The following AGBL3 variants were observed in gnomAD, a reference collection of about 807,000 sequenced individuals.
The protein encoded by AGBL3 is cytosolic carboxypeptidase 3.
A neutral mutation model predicts 94.5 loss-of-function variants in AGBL3; 68 were observed. The ratio of observed to expected loss-of-function variants is 0.72; its 90% CI spans 0.59 to 0.88. AGBL3 has a LOEUF of 0.88. Ranked by LOEUF, AGBL3 falls within the 40% of genes least tolerant of loss-of-function variation. AGBL3 has a pLI of 0.00. For synonymous variants in AGBL3, 354 were observed against 370.7 expected, an observed-to-expected ratio of 0.95 and a Z score of 0.52; for missense variants, 934 against 1,103.8, an observed-to-expected ratio of 0.85 and a Z score of 2.18.
At chr7:134,989,143 G>A (rs1434589982) in intron 2 of AGBL3, 107 bp from the exon 3 acceptor site, 10 of 708,440 alleles carry the variant, frequency 1.4e-5, no homozygotes, top group African/African-American at 3.7e-5. Context: ...TTTATTAAAG[G>A]TTAAAGACAT....
At chr7:135,041,530 G>A (rs539152927) in intron 8 of AGBL3, among the ~76,000 whole-genome samples, 62 of 152,048 alleles carry the variant, frequency 4.1e-4, no homozygotes, top group African/African-American at 1.4e-3. Context: ...AATAAGTGTC[G>A]GAACAATTGA....
At chr7:135,053,483 T>G (rs751137652) in intron 11 of AGBL3, among the ~76,000 whole-genome samples, 7 of 152,144 alleles carry the variant, frequency 4.6e-5, no homozygotes, top group Non-Finnish European at 1.0e-4. Context: ...GGTACATGCC[T>G]GTAATCTCAG....
intron 4 of AGBL3, among the ~76,000 whole-genome samples, chr7:134,995,714 C>G (rs565994425): frequency 1.3e-5 from 2 of 152,212 alleles, no homozygotes; most frequent in Non-Finnish European, 2.9e-5. Flanking sequence ...TCTCAGCATA[C>G]GTTTCCCAAG....
At chr7:135,133,953 GA>G (rs560925837) in intron 16 of AGBL3, among the ~76,000 whole-genome samples, 4 of 147,342 alleles carry the variant, frequency 2.7e-5, no homozygotes, top group South Asian at 2.1e-4. Context: ...ATTACTCTGA[GA>G]AAAAAAAAAG....
chr7:135,098,121 T>C (rs1823195613), intron 15 of AGBL3, among the ~76,000 whole-genome samples: 2 of 152,160 alleles, frequency 1.3e-5, no homozygotes, highest in African/African-American at 2.4e-5. Context: ...GGTCTACAGA[T>C]ACAAAGTGAG....
intron 4 of AGBL3, among the ~76,000 whole-genome samples, chr7:135,014,197 GAAAAAAAAAAAAAAA>G (rs58580550): frequency 1.5e-5 from 1 of 65,528 alleles, no homozygotes; most frequent in Non-Finnish European, 2.7e-5. Context: ...CTCTGTCTCT[GAAAAAAAAAAAAAAA>G]AAAAAAAAAA....
chr7:135,094,224 C>G (rs1215667968), intron 15 of AGBL3: 3 of 362,818 alleles, frequency 8.3e-6, no homozygotes, highest in South Asian at 2.1e-5. Flanking sequence ...GCTTGAAAGT[C>G]AACATTCCTG....
chr7:135,080,336 G>A (rs1031757769), intron 14 of AGBL3, 76 bp downstream of exon 14: 9 of 1,220,536 alleles, frequency 7.4e-6, no homozygotes, highest in Non-Finnish European at 1.1e-5. Flanking sequence ...CCACAACTTT[G>A]AGGTTGCCAC....
chr7:135,011,499 T>G (rs1484083062), intron 4 of AGBL3: 2 of 143,302 alleles, frequency 1.4e-5, no homozygotes, highest in African/African-American at 4.9e-5. Context: ...TATTAATATT[T>G]GCAATACATA....
chr7:135,025,388 T>A (rs1005810459), intron 5 of AGBL3, among the ~76,000 whole-genome samples: 2 of 151,516 alleles, frequency 1.3e-5, no homozygotes, highest in African/African-American at 4.8e-5. Flanking sequence ...GAAGGAGAAA[T>A]AAAATCCTTC....
At position 134,986,608 on chromosome 7, in the gene AGBL3, AGATC is replaced by A. The variant is rs78878269; in HGVS notation, c.-152_-149del. On this transcript the variant is annotated 5_prime_UTR_variant, in exon 1 of 17. Transcript: ENST00000436302. ...ATACCGGGTTCTCCGCGAGATCGCG[AGATC>A]CCGAGATATTCTCCCCGCACGGAAG... is the stretch of plus-strand genomic sequence containing the variant. The A allele has an allele frequency of 7.1e-3, 1,081 of 152,160 alleles. 8 individuals carry two copies. The highest frequency in any genetic ancestry group is 0.01 in the Non-Finnish European group (697 of 68,020). The allele number at this position is 152,160 out of a possible 1,614,324, so 9.4% of individuals were successfully genotyped here.
In AGBL3 at chr7:135,114,882, C is replaced by T. The variant is rs55959023; in HGVS notation, c.2111-498C>T. Among the ~76,000 whole-genome samples, 351 of 152,260 alleles carry T rather than the reference C, an allele frequency of 2.3e-3. 2 individuals are homozygous for T. Among genetic ancestry groups the T allele is most frequent in the Non-Finnish European group, 3.6e-3 (246 of 68,014 alleles). On this transcript the variant is annotated intron_variant, in intron 15 of 16. Coordinates refer to ENST00000436302, the MANE Select transcript of AGBL3 (RefSeq NM_178563.4). ...CTCACACTCAGTAAAAATCAAAGTC[C>T]TTCTACTGGCTTTGAGGCCCAACAT...
At chr7:135,076,302 C>T in intron 12 of AGBL3, 95 bp from the exon 13 acceptor site, 1 of 963,914 alleles carries the variant, frequency 1.0e-6, no homozygotes, top group Admixed American at 2.4e-5. Flanking sequence ...TTCTCATCTT[C>T]TTAGAAGTGG....
chr7:135,026,477 G>A (rs190470814), intron 5 of AGBL3, among the ~76,000 whole-genome samples: 9 of 151,306 alleles, frequency 5.9e-5, no homozygotes, highest in African/African-American at 2.2e-4. Context: ...GTTTCACCAT[G>A]TTGGCCAGGG....
At chr7:134,988,232 T>C (rs1809724030) in intron 2 of AGBL3, 1 of 344,118 alleles carries the variant, frequency 2.9e-6, no homozygotes, top group African/African-American at 2.2e-5. Flanking sequence ...TAGCTAAGAT[T>C]CTTCTAGGTT....
chr7:135,051,558 G>A (rs1452870874), intron 11 of AGBL3, among the ~76,000 whole-genome samples: 1 of 151,932 alleles, frequency 6.6e-6, no homozygotes, highest in Non-Finnish European at 1.5e-5. Flanking sequence ...GGGATATTTA[G>A]ATAACATAGC....
Position 135,115,406 on chromosome 7 carries a change from A to C in AGBL3, c.2137A>C (p.Ile713Leu). The part of the protein sequence containing the change: ...LDLHHNLKSK[I>L]KECISFQSKK... ...TCTGCACCACAACTTAAAAAGCAAA[A>C]TAAAAGAATGCATATCTTTCCAAAG... is the stretch of plus-strand genomic sequence containing the variant. The change falls in exon 16 of 17, where the codon ATA (isoleucine) becomes CTA (leucine). Residue 713 changes from isoleucine to leucine, a missense_variant. Coordinates refer to ENST00000436302, the MANE Select transcript of AGBL3 (RefSeq NM_178563.4). 1 of 1,550,998 alleles carries C rather than the reference A, an allele frequency of 6.4e-7. No individual in the cohort carries two copies. Among genetic ancestry groups the C allele is most frequent in the Non-Finnish European group, 8.7e-7 (1 of 1,146,668 alleles).
chr7:135,110,817 C>A (rs565663144), intron 15 of AGBL3, among the ~76,000 whole-genome samples: 1 of 152,186 alleles, frequency 6.6e-6, no homozygotes, highest in East Asian at 1.9e-4. Context: ...CCTTAAAACT[C>A]GTTTTGCCTC....
chr7:135,101,157 A>G (rs1823774366), intron 15 of AGBL3: 3 of 455,426 alleles, frequency 6.6e-6, no homozygotes, highest in Non-Finnish European at 8.8e-6. Context: ...CCAATCTAGG[A>G]AAAAAATTCC....
Sources: allele counts gnomAD v4.1 joint callset (sites outside exome capture counted in the v4.1 genomes callset), GRCh38; gene constraint gnomAD v4.1.1; transcripts MANE v1.5; gene names NCBI Gene and HGNC (gene_info 2026-07-23, HGNC 2026-07-21).